Variants in PDE12 observed in about 807,000 individuals in gnomAD.
PDE12 encodes 2',5'-phosphodiesterase 12.
PDE12 carries 26 observed loss-of-function variants against 45.4 expected under a neutral mutation model. That is an observed-to-expected ratio of 0.57 (90% CI 0.42 to 0.79). The LOEUF is 0.79. PDE12 is among the 30% of genes least tolerant of loss of function. PDE12 has a pLI of 0.00. For missense variants in PDE12, 668 were observed against 790.0 expected (o/e 0.85, Z 1.85); for synonymous variants, 283 against 323.9 (o/e 0.87, Z 1.36).
chr3:57,559,232 A>AAAAC (rs533139596), intron 1 of PDE12, 78 bp from the exon 2 acceptor site: 8 of 1,277,334 alleles, frequency 6.3e-6, no homozygotes, highest in Non-Finnish European at 9.0e-6. Context: ...AAAACTCAAA[A>AAAAC]AAACAAACAA....
At position 57,556,890 on chromosome 3, in the gene PDE12, C is replaced by T; in HGVS notation, c.511C>T (p.Arg171Cys). 6.2e-7 allele frequency: 1 copy of T among 1,614,160 alleles called. No homozygotes were observed. The highest frequency in any genetic ancestry group is 8.5e-7 in the Non-Finnish European group (1 of 1,180,040). Residue 171 changes from arginine to cysteine, a missense_variant, in exon 1 of 3, where the codon CGC becomes TGC. Transcript: ENST00000311180. The surrounding 1 kb of genome is among the most constrained non-coding windows in gnomAD (Gnocchi z 5.0). ...PPAFTELQLP[R>C]YIMAGFPVCP... ...CGCCTTCACCGAACTGCAGTTGCCG[C>T]GCTACATCATGGCCGGGTTCCCTGT...
At chr3:57,630,582 T>C in the PDE12 span, 1 of 1,532,436 alleles carries the variant, frequency 6.5e-7, no homozygotes, top group Non-Finnish European at 8.8e-7. Context: ...CTTTCCTCAA[T>C]ACCTTTCCTA....
the PDE12 span, among the ~76,000 whole-genome samples, chr3:57,578,256 T>C: frequency 6.6e-6 from 1 of 151,672 alleles, no homozygotes; most frequent in African/African-American, 2.4e-5. Context: ...AAGAAAATGA[T>C]AGCAAGAAAA....
downstream of PDE12, among the ~76,000 whole-genome samples, chr3:57,569,829 CA>C (rs11310053): frequency 0.38 from 25,894 of 67,830 alleles, 1,990 homozygotes; most frequent in South Asian, 0.49. Flanking sequence ...AAAACCATCT[CA>C]AAAAAAAAAA....
At chr3:57,626,773 C>T in the PDE12 span, 2 of 152,192 alleles carry the variant, frequency 1.3e-5, no homozygotes, top group South Asian at 4.1e-4. Context: ...CAACCCTACT[C>T]TACCAAATCA....
the PDE12 span, among the ~76,000 whole-genome samples, chr3:57,610,733 G>A: frequency 6.6e-6 from 1 of 151,990 alleles, no homozygotes; most frequent in Non-Finnish European, 1.5e-5. Flanking sequence ...AGGAAATAAA[G>A]GAGGACACAA....
At chr3:57,590,668 G>A in the PDE12 span, among the ~76,000 whole-genome samples, 2 of 152,066 alleles carry the variant, frequency 1.3e-5, no homozygotes, top group East Asian at 3.9e-4. Context: ...ATAAGTGTGT[G>A]TGTGTACATA....
At chr3:57,614,728 T>A in the PDE12 span, among the ~76,000 whole-genome samples, 1 of 151,470 alleles carries the variant, frequency 6.6e-6, no homozygotes, top group East Asian at 2.0e-4. Flanking sequence ...TGGTATTTTT[T>A]AGCAGAGGGA....
chr3:57,587,319 C>CAAAAAAAA, the PDE12 span, among the ~76,000 whole-genome samples: 4 of 45,342 alleles, frequency 8.8e-5, no homozygotes, highest in Admixed American at 2.3e-4. Flanking sequence ...AACTCAGTCT[C>CAAAAAAAA]AAAAAAAAAA....
chr3:57,572,706 A>C, the PDE12 span, among the ~76,000 whole-genome samples: 2 of 152,020 alleles, frequency 1.3e-5, no homozygotes, highest in Non-Finnish European at 2.9e-5. Flanking sequence ...CCTATTCATT[A>C]TATTTAGACA....
chr3:57,630,911 G>A, the PDE12 span: 1 of 1,613,006 alleles, frequency 6.2e-7, no homozygotes, highest in South Asian at 1.1e-5. Flanking sequence ...AAATAGATTT[G>A]AATATATTCA....
the PDE12 span, chr3:57,646,265 T>C: frequency 1.9e-6 from 3 of 1,579,972 alleles, no homozygotes; most frequent in Non-Finnish European, 1.7e-6. Context: ...ACAGGTTAAG[T>C]ACTGCAGCAT....
the PDE12 span, among the ~76,000 whole-genome samples, chr3:57,638,551 G>A: frequency 1.3e-5 from 2 of 152,074 alleles, no homozygotes; most frequent in East Asian, 1.9e-4. Context: ...TCAGCGACTC[G>A]GGGAGCTAAG....
chr3:57,569,542 G>A (rs144262999), downstream of PDE12, among the ~76,000 whole-genome samples: 635 of 152,058 alleles, frequency 4.2e-3, 5 homozygotes, highest in African/African-American at 0.015. Flanking sequence ...AGTAGAGATG[G>A]GGTTTCTCCA....
chr3:57,581,228 A>AT, the PDE12 span, among the ~76,000 whole-genome samples: 7 of 152,196 alleles, frequency 4.6e-5, no homozygotes, highest in Non-Finnish European at 7.3e-5. Flanking sequence ...AGGAGAACTG[A>AT]TCAGTAATGC....
chr3:57,625,710 G>A, the PDE12 span: 1 of 152,234 alleles, frequency 6.6e-6, no homozygotes, highest in Non-Finnish European at 1.5e-5. Context: ...GGTTCCCAGT[G>A]CAAATTTACA....
At chr3:57,575,558 C>G in the PDE12 span, 4 of 1,612,216 alleles carry the variant, frequency 2.5e-6, no homozygotes, top group African/African-American at 1.3e-5. Context: ...TGTTCTGTTA[C>G]GAAGAGACTG....
the PDE12 span, among the ~76,000 whole-genome samples, chr3:57,643,916 C>T: frequency 6.6e-6 from 1 of 151,298 alleles, no homozygotes; most frequent in Non-Finnish European, 1.5e-5. Flanking sequence ...TTTGGGAAGC[C>T]AAGGTGGGCA....
chr3:57,590,802 C>T, the PDE12 span, among the ~76,000 whole-genome samples: 1 of 152,086 alleles, frequency 6.6e-6, no homozygotes, highest in Non-Finnish European at 1.5e-5. Flanking sequence ...CCTCAGCCTC[C>T]CTAGTAGCTG....
Sources: gnomAD v4.1 joint callset for allele counts (sites outside exome capture counted in the v4.1 genomes callset) on GRCh38, gnomAD v4.1.1 for gene constraint, Gnocchi (gnomAD v3.1) non-coding constraint, MANE v1.5 for transcripts, NCBI Gene and HGNC (gene_info 2026-07-23, HGNC 2026-07-21) for gene names.